Variants in MAML2 observed in about 807,000 individuals in gnomAD.
The protein encoded by MAML2 is mastermind like transcriptional coactivator 2.
Under a neutral mutation model 96.1 loss-of-function variants are expected in MAML2, and 22 were observed. The observed-to-expected ratio is 0.23, with a 90% CI of 0.16 to 0.33. MAML2 has a LOEUF of 0.33. MAML2 is among the 10% of genes least tolerant of loss of function. MAML2 has a pLI of 1.00. For synonymous variants in MAML2, 561 were observed against 521.3 expected (o/e 1.08, Z -1.04); for missense variants, 1,367 against 1,392.4 (o/e 0.98, Z 0.29).
At chr11:96,096,527 T>A (rs539453726) in intron 1 of MAML2, among the ~76,000 whole-genome samples, 26 of 152,262 alleles carry the variant, frequency 1.7e-4, no homozygotes, top group Admixed American at 1.4e-3. Flanking sequence ...GAGTAAGCAA[T>A]GAAGTCAGGA....
chr11:96,301,087 C>T lies in MAML2; in HGVS notation c.513+40296G>A, dbSNP rs527392263. ...ACTAGCCTTATGGTTTGGATAAGTCCGTTGGTAGAAAGGATTTTAACAATC... is the reference window on the plus strand; with the variant it reads ...ACTAGCCTTATGGTTTGGATAAGTCTGTTGGTAGAAAGGATTTTAACAATC... On this transcript the variant is annotated intron_variant, in intron 1 of 4. Transcript: ENST00000524717. 1.4e-4 allele frequency among the ~76,000 whole-genome samples: 22 copies of T among 152,184 alleles called. No homozygotes were observed. In the Middle Eastern group the frequency reaches 0.01, roughly 71 times the overall value.
At chr11:96,308,701 T>G (rs1277110593) in intron 1 of MAML2, among the ~76,000 whole-genome samples, 1 of 152,214 alleles carries the variant, frequency 6.6e-6, no homozygotes, top group Non-Finnish European at 1.5e-5. Context: ...TCAGCTTAAA[T>G]TTAAAGAAAC....
At chr11:96,282,447 G>C (rs1863085347) in intron 1 of MAML2, among the ~76,000 whole-genome samples, 1 of 152,092 alleles carries the variant, frequency 6.6e-6, no homozygotes, top group Non-Finnish European at 1.5e-5. Context: ...CTACTGAGTA[G>C]AACAAAGTAT....
intron 1 of MAML2, among the ~76,000 whole-genome samples, chr11:96,228,340 A>C (rs1016030870): frequency 6.6e-6 from 1 of 152,114 alleles, no homozygotes; most frequent in Admixed American, 6.5e-5. Context: ...TCTTTAATTT[A>C]TCTTGCTTTT....
At chr11:96,152,636 C>T (rs1029629916) in intron 1 of MAML2, among the ~76,000 whole-genome samples, 3 of 152,144 alleles carry the variant, frequency 2.0e-5, no homozygotes, top group African/African-American at 7.2e-5. Flanking sequence ...AACACATTTA[C>T]CAGAAATATT....
At chr11:95,988,932 T>C (rs1158754913) in intron 3 of MAML2, among the ~76,000 whole-genome samples, 1 of 152,244 alleles carries the variant, frequency 6.6e-6, no homozygotes, top group East Asian at 1.9e-4. Flanking sequence ...AGTACATATC[T>C]GTTCTGCTTC....
intron 1 of MAML2, among the ~76,000 whole-genome samples, chr11:96,324,064 G>C (rs949110441): frequency 6.6e-6 from 1 of 152,214 alleles, no homozygotes; most frequent in African/African-American, 2.4e-5. Context: ...CAAATGTCTT[G>C]TTGCACTTGC....
intron 1 of MAML2, among the ~76,000 whole-genome samples, chr11:96,248,767 CTG>C (rs1862543615): frequency 1.3e-5 from 2 of 152,158 alleles, no homozygotes; most frequent in Admixed American, 6.5e-5. Context: ...TTAAAAATGT[CTG>C]TACTCACTGT....
intron 1 of MAML2, among the ~76,000 whole-genome samples, chr11:96,331,238 C>A (rs924842783): frequency 2.0e-5 from 3 of 152,072 alleles, no homozygotes; most frequent in African/African-American, 7.2e-5. Flanking sequence ...CCACTGCACT[C>A]CAGCCTGGGT....
At chr11:96,330,738 C>T (rs544063715) in intron 1 of MAML2, among the ~76,000 whole-genome samples, 2 of 152,288 alleles carry the variant, frequency 1.3e-5, no homozygotes, top group East Asian at 3.9e-4. Flanking sequence ...TGCTCATCTC[C>T]CAATTAGCTA....
Position 95,976,776 on chromosome 11 carries a change from A to T in MAML2, c.*2172T>A, listed in dbSNP as rs1159823606. 2.2e-5 allele frequency: 4 copies of T among 184,702 alleles called. No homozygotes were observed. The allele number at this position is 184,702 out of a possible 1,614,324, so 11.4% of individuals were successfully genotyped here. On this transcript the variant is annotated 3_prime_UTR_variant, in exon 5 of 5. Coordinates refer to ENST00000524717, the MANE Select transcript of MAML2 (RefSeq NM_032427.4). ...AAAATAAGCTGACTCACAGGAGTGTAACTGGGAAGTGCTGGCAGATATATA... is the reference window on the plus strand; with the variant it reads ...AAAATAAGCTGACTCACAGGAGTGTTACTGGGAAGTGCTGGCAGATATATA...
At chr11:96,230,900 T>C (rs1182913947) in intron 1 of MAML2, among the ~76,000 whole-genome samples, 1 of 152,252 alleles carries the variant, frequency 6.6e-6, no homozygotes, top group Non-Finnish European at 1.5e-5. Flanking sequence ...TCCTTCCTTA[T>C]TTAATGTCCT....
At chr11:96,127,350 G>A (rs1860457992) in intron 1 of MAML2, among the ~76,000 whole-genome samples, 2 of 152,278 alleles carry the variant, frequency 1.3e-5, no homozygotes, top group Admixed American at 6.5e-5. Flanking sequence ...TTGATAGGCT[G>A]AGGCTGTTTT....
At chr11:96,181,962 A>G (rs1861493416) in intron 1 of MAML2, among the ~76,000 whole-genome samples, 1 of 152,172 alleles carries the variant, frequency 6.6e-6, no homozygotes, top group South Asian at 2.1e-4. Flanking sequence ...TTTATGTCTC[A>G]TCTTGGCTCC....
rs559419864 is a variant in MAML2 at position 96,232,483 on chromosome 11, T to C, written c.513+108900A>G. 2.0e-5 allele frequency among the ~76,000 whole-genome samples: 3 copies of C among 148,030 alleles called. No homozygotes were observed. The East Asian group carries it at 6.0e-4, about 29-fold the overall frequency. ...AGAAAAGGAAGGCATTTTTTTTTTTTCTTTGAGATGGAATCTCACTCAGTC... is the reference window on the plus strand; with the variant it reads ...AGAAAAGGAAGGCATTTTTTTTTTTCCTTTGAGATGGAATCTCACTCAGTC... On this transcript the variant is annotated intron_variant, in intron 1 of 4. Coordinates refer to ENST00000524717, the MANE Select transcript of MAML2 (RefSeq NM_032427.4).
rs749258668 is a variant in MAML2 at position 96,093,326 on chromosome 11, C to T, written c.705G>A (p.Met235Ile). The change falls in exon 2 of 5, where the codon ATG becomes ATA. Residue 235 changes from methionine to isoleucine, a missense_variant. Met to Ile is a conservative substitution (Grantham distance 10). Coordinates refer to ENST00000524717, the MANE Select transcript of MAML2 (RefSeq NM_032427.4). Reference protein sequence around the residue: ...QSQIMSGTLPMSQAPLRKTNT... With the variant: ...QSQIMSGTLPISQAPLRKTNT... Reference sequence around the variant, plus strand: ...TAGTCTTTCGCAGGGGTGCTTGGCTCATAGGCAAGGTCCCTGACATAATCT... The same window carrying T: ...TAGTCTTTCGCAGGGGTGCTTGGCTTATAGGCAAGGTCCCTGACATAATCT... The T allele has an allele frequency of 3.7e-6, 6 of 1,613,968 alleles. No individual in the cohort carries two copies. The highest frequency in any genetic ancestry group is 5.1e-6 in the Non-Finnish European group (6 of 1,179,884).
chr11:96,137,632 G>A (rs1487296594), intron 1 of MAML2, among the ~76,000 whole-genome samples: 3 of 152,182 alleles, frequency 2.0e-5, no homozygotes, highest in Non-Finnish European at 4.4e-5. Context: ...CAAACTCATT[G>A]ACCATTCAGT....
At chr11:96,131,531 T>G (rs1860549315) in intron 1 of MAML2, among the ~76,000 whole-genome samples, 1 of 152,182 alleles carries the variant, frequency 6.6e-6, no homozygotes, top group Non-Finnish European at 1.5e-5. Context: ...CAGGATAAAC[T>G]ACATACTTAC....
intron 1 of MAML2, among the ~76,000 whole-genome samples, chr11:96,334,404 CA>C (rs1313475256): frequency 6.6e-6 from 1 of 152,218 alleles, no homozygotes; most frequent in African/African-American, 2.4e-5. Context: ...CTCCATTTCA[CA>C]GTCGAGAAAA....
Sources: allele counts gnomAD v4.1 joint callset (sites outside exome capture counted in the v4.1 genomes callset), GRCh38; gene constraint gnomAD v4.1.1; transcripts MANE v1.5; gene names NCBI Gene and HGNC (gene_info 2026-07-23, HGNC 2026-07-21).